PIWIL3: variants seen among roughly 807,000 people sequenced by gnomAD.
The protein encoded by PIWIL3 is piwi-like protein 3.
PIWIL3 carries 101 observed loss-of-function variants against 109.7 expected under a neutral mutation model. The observed-to-expected ratio is 0.92, with a 90% CI of 0.78 to 1.09. The LOEUF (loss-of-function observed/expected upper bound fraction) is 1.09, where lower values mean the gene tolerates loss of function less well. Ranked by LOEUF, PIWIL3 falls within the 50% of genes least tolerant of loss-of-function variation. PIWIL3 has a pLI of 0.00. For synonymous variants in PIWIL3, 373 were observed against 376.4 expected, an observed-to-expected ratio of 0.99 and a Z score of 0.10; for missense variants, 1,031 against 1,072.6, an observed-to-expected ratio of 0.96 and a Z score of 0.54.
chr22:24,736,432 A>C (rs1465931771), intron 12 of PIWIL3, among the ~76,000 whole-genome samples: 1 of 152,176 alleles, frequency 6.6e-6, no homozygotes, highest in Non-Finnish European at 1.5e-5. Context: ...GCCTCCTCAT[A>C]CTGTTCTATC....
At chr22:24,726,376 G>A (rs890207074) in intron 16 of PIWIL3, among the ~76,000 whole-genome samples, 4 of 151,346 alleles carry the variant, frequency 2.6e-5, no homozygotes, top group South Asian at 4.2e-4. Context: ...TCCACCTCCC[G>A]GGTTCACGCC....
rs753211812 is a variant in PIWIL3 at position 24,749,385 on chromosome 22, C to A, written c.1334+19G>T. ...ACCATGCACATGTACACACACTCAG[C>A]CAGAAAAGCAGCACTTACTCTTGTA... On this transcript the variant is annotated intron_variant, in intron 11 of 20. Transcript: ENST00000616349. 6 of 1,612,246 alleles carry A rather than the reference C, an allele frequency of 3.7e-6. No individual in the cohort carries two copies. Among genetic ancestry groups the A allele is most frequent in the Non-Finnish European group, 5.1e-6 (6 of 1,179,274 alleles).
intron 9 of PIWIL3, among the ~76,000 whole-genome samples, chr22:24,750,078 C>A (rs994814177): frequency 2.0e-5 from 3 of 152,204 alleles, no homozygotes; most frequent in African/African-American, 7.2e-5. Flanking sequence ...CGTCAAGCTA[C>A]TCTAACATTG....
intron 9 of PIWIL3, among the ~76,000 whole-genome samples, chr22:24,750,277 C>A (rs532245141): frequency 6.6e-6 from 1 of 152,214 alleles, no homozygotes; most frequent in Non-Finnish European, 1.5e-5. Context: ...ACCCGTTAGG[C>A]CCTTTTTCCA....
intron 1 of PIWIL3, among the ~76,000 whole-genome samples, chr22:24,769,281 G>A (rs1216699884): frequency 1.3e-5 from 2 of 152,056 alleles, no homozygotes; most frequent in African/African-American, 4.8e-5. Flanking sequence ...TGACTTCCCC[G>A]GGCCACATTG....
intron 14 of PIWIL3, among the ~76,000 whole-genome samples, chr22:24,729,356 A>G (rs1214736465): frequency 6.6e-6 from 1 of 152,106 alleles, no homozygotes; most frequent in Non-Finnish European, 1.5e-5. Context: ...AGACGACGAG[A>G]CGGTTTCATT....
At chr22:24,723,031 A>G in intron 19 of PIWIL3, 99 bp downstream of exon 19, 1 of 1,308,856 alleles carries the variant, frequency 7.6e-7, no homozygotes, top group Non-Finnish European at 1.1e-6. Context: ...AAGAATCAGC[A>G]GTGCTTTAAG....
At chr22:24,755,491 C>T (rs1468050822) in intron 6 of PIWIL3, among the ~76,000 whole-genome samples, 4 of 152,200 alleles carry the variant, frequency 2.6e-5, no homozygotes, top group Non-Finnish European at 5.9e-5. Flanking sequence ...ATAAAAAATG[C>T]ATTTGCTACA....
At chr22:24,764,930 G>A (rs549349847) in intron 1 of PIWIL3, among the ~76,000 whole-genome samples, 1 of 152,214 alleles carries the variant, frequency 6.6e-6, no homozygotes, top group East Asian at 1.9e-4. Context: ...ACTGAGCCTC[G>A]CTTGCCCTCG....
rs187544256 is a variant in PIWIL3 at position 24,753,477 on chromosome 22, G to A, written c.977+537C>T. 2.0e-4 allele frequency among the ~76,000 whole-genome samples: 31 copies of A among 152,242 alleles called. No individual in the cohort carries two copies. The Middle Eastern group carries it at 0.014, about 67-fold the overall frequency. On this transcript the variant is annotated intron_variant, in intron 8 of 20. Transcript: ENST00000616349. ...TTAACCTTCTGTACTCTATTTCATT[G>A]GTCTCTGTCTGTCTTTAGACCAACA...
intron 17 of PIWIL3, 52 bp downstream of exon 17, chr22:24,725,393 T>C: frequency 2.0e-5 from 32 of 1,597,988 alleles, no homozygotes; most frequent in Non-Finnish European, 2.7e-5. Flanking sequence ...AGTCCATTGG[T>C]GGAGAACTAC....
chr22:24,719,511 T>C lies in PIWIL3; in HGVS notation c.2583A>G (p.Glu861=). 1 of 1,604,448 alleles carries C rather than the reference T, an allele frequency of 6.2e-7. No individual in the cohort carries two copies. Among genetic ancestry groups the C allele is most frequent in the Non-Finnish European group, 8.5e-7 (1 of 1,176,836 alleles). ...AYLVGQSIHQ[E]PNRSLSTRLF... is the part of the protein sequence containing the mutation. ...GACGAGTTGACAAGGAACGATTCGG[T>C]TCCTGGTGAATGGACTGCCCCACGA... Residue 861 remains glutamate (E), a synonymous_variant, in exon 21 of 21, where the codon GAA becomes GAG. Coordinates refer to ENST00000616349, the MANE Select transcript of PIWIL3 (RefSeq NM_001255975.1).
intron 12 of PIWIL3, among the ~76,000 whole-genome samples, chr22:24,743,854 G>A (rs181868441): frequency 2.0e-5 from 3 of 151,928 alleles, no homozygotes; most frequent in Admixed American, 6.6e-5. Context: ...AAAAGCAAAC[G>A]ACAAATTTAA....
chr22:24,749,926 C>G, intron 9 of PIWIL3, 107 bp from the exon 10 acceptor site: 4 of 1,490,454 alleles, frequency 2.7e-6, no homozygotes, highest in South Asian at 2.4e-5. Flanking sequence ...GGGCCACAGG[C>G]GTGCTGGTGA....
chr22:24,733,716 A>C (rs539644072), intron 14 of PIWIL3, among the ~76,000 whole-genome samples: 2,742 of 152,082 alleles, frequency 0.018, 40 homozygotes, highest in Middle Eastern at 0.068. Flanking sequence ...ACAACAACAA[A>C]AAAAAACAGG....
chr22:24,745,717 G>GAAAAAAAAAAAAAA (rs71189273), intron 12 of PIWIL3, among the ~76,000 whole-genome samples: 6 of 80,236 alleles, frequency 7.5e-5, no homozygotes, highest in South Asian at 4.4e-4. Context: ...GTCAGACTAA[G>GAAAAAAAAAAAAAA]AAAAAAAAAA....
chr22:24,722,542 G>A (rs1335940145), intron 19 of PIWIL3, among the ~76,000 whole-genome samples: 6 of 152,034 alleles, frequency 3.9e-5, no homozygotes, highest in African/African-American at 7.2e-5. Flanking sequence ...GTGAAACCCC[G>A]TCTCTACTAA....
chr22:24,744,706 A>C (rs1924251360), intron 12 of PIWIL3, among the ~76,000 whole-genome samples: 1 of 152,238 alleles, frequency 6.6e-6, no homozygotes, highest in African/African-American at 2.4e-5. Context: ...ACAATTGTAA[A>C]TATATATACA....
intron 14 of PIWIL3, among the ~76,000 whole-genome samples, chr22:24,732,150 C>A (rs1312104077): frequency 1.3e-5 from 2 of 152,182 alleles, no homozygotes; most frequent in African/African-American, 4.8e-5. Flanking sequence ...ATGTGGCCTG[C>A]TATCTTTTTA....
Sources: gnomAD v4.1 joint callset for allele counts (sites outside exome capture counted in the v4.1 genomes callset) on GRCh38, gnomAD v4.1.1 for gene constraint, MANE v1.5 for transcripts, NCBI Gene and HGNC (gene_info 2026-07-23, HGNC 2026-07-21) for gene names.